Variants in LTBP1 observed in about 807,000 individuals in gnomAD.
The protein encoded by LTBP1 is latent-transforming growth factor beta-binding protein 1.
In LTBP1, 129 loss-of-function variants were observed where a neutral mutation model predicts 207.6. The observed-to-expected ratio is 0.62, with a 90% CI of 0.54 to 0.72. The LOEUF (loss-of-function observed/expected upper bound fraction) is 0.72, where lower values mean the gene tolerates loss of function less well. Ranked by LOEUF, LTBP1 falls within the 30% of genes least tolerant of loss-of-function variation. LTBP1 has a pLI of 0.00. For missense variants in LTBP1, 2,281 were observed against 2,217.2 expected, an observed-to-expected ratio of 1.03 and a Z score of -0.58; for synonymous variants, 963 against 833.7, an observed-to-expected ratio of 1.16 and a Z score of -2.67.
At chr2:33,113,924 T>C (rs2080566222) in intron 4 of LTBP1, among the ~76,000 whole-genome samples, 1 of 152,214 alleles carries the variant, frequency 6.6e-6, no homozygotes, top group African/African-American at 2.4e-5. Flanking sequence ...CACCACAACC[T>C]CTGCCTCCCA....
At chr2:33,210,701 CTT>C (rs1452829270) in intron 7 of LTBP1, among the ~76,000 whole-genome samples, 1 of 152,190 alleles carries the variant, frequency 6.6e-6, no homozygotes, top group Non-Finnish European at 1.5e-5. Flanking sequence ...CACACCCACT[CTT>C]TGTTCCTTCG....
chr2:33,111,307 G>A (rs1338908509), intron 4 of LTBP1, among the ~76,000 whole-genome samples: 1 of 152,182 alleles, frequency 6.6e-6, no homozygotes, highest in Non-Finnish European at 1.5e-5. Flanking sequence ...GACAAGGCCT[G>A]GCTCAAAGGG....
chr2:33,193,213 G>A (rs2088114563), intron 7 of LTBP1, among the ~76,000 whole-genome samples: 1 of 152,110 alleles, frequency 6.6e-6, no homozygotes, highest in African/African-American at 2.4e-5. Flanking sequence ...GAGCAGAGGT[G>A]ACACTGCAAC....
chr2:33,361,764 A>G (rs2094929799), intron 28 of LTBP1, among the ~76,000 whole-genome samples: 1 of 152,212 alleles, frequency 6.6e-6, no homozygotes, highest in African/African-American at 2.4e-5. Flanking sequence ...TGAGATAGGA[A>G]TAATTTCTCA....
chr2:33,365,287 T>C (rs772990559), intron 30 of LTBP1, 46 bp from the exon 31 acceptor site: 1 of 1,552,576 alleles, frequency 6.4e-7, no homozygotes, highest in Non-Finnish European at 8.9e-7. Context: ...TGTTTATAAA[T>C]AGGAATAACT....
intron 15 of LTBP1, among the ~76,000 whole-genome samples, chr2:33,271,099 T>C (rs2093311271): frequency 6.6e-6 from 1 of 152,226 alleles, no homozygotes; most frequent in Non-Finnish European, 1.5e-5. Flanking sequence ...GCATCACATA[T>C]ATTTGAAGAC....
At chr2:33,365,583 C>T (rs1333647956) in intron 31 of LTBP1, 80 bp downstream of exon 31, 6 of 1,390,446 alleles carry the variant, frequency 4.3e-6, no homozygotes, top group Non-Finnish European at 5.0e-6. Flanking sequence ...TGACATTTCT[C>T]TTCTGTATCT....
At chr2:33,306,336 G>A (rs1381437345) in intron 22 of LTBP1, among the ~76,000 whole-genome samples, 4 of 152,104 alleles carry the variant, frequency 2.6e-5, no homozygotes, top group East Asian at 1.9e-4. Flanking sequence ...TTGGGAGGCC[G>A]AGGCGGGTGA....
chr2:33,277,829 CTTTTTTTTTTTTT>C (rs199950784), intron 18 of LTBP1, among the ~76,000 whole-genome samples: 2 of 85,188 alleles, frequency 2.3e-5, no homozygotes, highest in Non-Finnish European at 4.4e-5. Flanking sequence ...TTCTTTCTTT[CTTTTTTTTTTTTT>C]TTTTTTAAAG....
In LTBP1 at chr2:33,363,328, T is replaced by G. The variant is rs554789707; in HGVS notation, c.4271-62T>G. 92 of 1,564,570 alleles carry G rather than the reference T, an allele frequency of 5.9e-5. 1 individual carries two copies. The East Asian group carries it at 2.0e-3, about 34-fold the overall frequency. The stretch of plus-strand genomic sequence containing the variant: ...CTTAAAGCCCCAAATCTGGTTAGAC[T>G]CTTTTTAATTGAAAGATCAAACCTA... On this transcript the variant is annotated intron_variant, in intron 28 of 33. Coordinates refer to ENST00000404816, the MANE Select transcript of LTBP1 (RefSeq NM_206943.4).
At position 33,089,403 on chromosome 2, in the gene LTBP1, C is replaced by T. The variant is rs144834671; in HGVS notation, c.864-21179C>T. ...TACTTGAGTAGGGTGATATTGCCCT[C>T]CACGTGACATGTGGCAATGTCTGGA... is the stretch of plus-strand genomic sequence containing the variant. On this transcript the variant is annotated intron_variant, in intron 3 of 33. Coordinates refer to ENST00000404816, the MANE Select transcript of LTBP1 (RefSeq NM_206943.4). 2.2e-3 allele frequency among the ~76,000 whole-genome samples: 342 copies of T among 152,228 alleles called. 1 individual carries two copies. The highest frequency in any genetic ancestry group is 3.7e-3 in the Non-Finnish European group (255 of 68,018).
chr2:33,309,603 A>C, intron 23 of LTBP1, 47 bp downstream of exon 23: 3 of 1,585,432 alleles, frequency 1.9e-6, no homozygotes, highest in Non-Finnish European at 2.6e-6. Context: ...GTAATTCTTC[A>C]ATTCTGCCAT....
At chr2:33,214,705 T>C (rs2090553786) in intron 7 of LTBP1, among the ~76,000 whole-genome samples, 1 of 152,116 alleles carries the variant, frequency 6.6e-6, no homozygotes, top group African/African-American at 2.4e-5. Flanking sequence ...GTTTATCCAG[T>C]TGTGTTGTTT....
At chr2:33,135,223 A>G (rs1019620488) in intron 5 of LTBP1, among the ~76,000 whole-genome samples, 1 of 152,268 alleles carries the variant, frequency 6.6e-6, no homozygotes, top group Non-Finnish European at 1.5e-5. Context: ...GGGAATATAT[A>G]TAGTAGAAGA....
At chr2:33,189,034 A>T (rs1038053171) in intron 7 of LTBP1, among the ~76,000 whole-genome samples, 183 bp downstream of exon 7, 4 of 152,204 alleles carry the variant, frequency 2.6e-5, no homozygotes, top group Non-Finnish European at 5.9e-5. Context: ...ATTCATTTAC[A>T]TACTGTCTAT....
chr2:33,290,489 C>G lies in LTBP1; in HGVS notation c.3113-2671C>G, dbSNP rs76406546. Among the ~76,000 whole-genome samples, 9 of 152,310 alleles carry G rather than the reference C, an allele frequency of 5.9e-5. 1 individual carries two copies. Among genetic ancestry groups the G allele is most frequent in the African/African-American group, 1.9e-4 (8 of 41,558 alleles). ...AAGGTTTTTAAAGTAGAGGAGCCAA[C>G]ACCATTTATCAGATTTGTATTTTAG... On this transcript the variant is annotated intron_variant, in intron 19 of 33. Transcript: ENST00000404816.
chr2:33,255,184 T>C (rs1157211183), intron 11 of LTBP1, among the ~76,000 whole-genome samples: 1 of 148,430 alleles, frequency 6.7e-6, no homozygotes, highest in African/African-American at 2.5e-5. Context: ...GGTGTTTGGT[T>C]TTTTGTTCTT....
At chr2:33,357,309 A>C (rs2094875420) in intron 26 of LTBP1, among the ~76,000 whole-genome samples, 1 of 152,162 alleles carries the variant, frequency 6.6e-6, no homozygotes, top group South Asian at 2.1e-4. Flanking sequence ...ACATGATTGC[A>C]CTATTTGTGG....
At chr2:32,969,561 A>G (rs190734775) in intron 2 of LTBP1, among the ~76,000 whole-genome samples, 1 of 152,272 alleles carries the variant, frequency 6.6e-6, no homozygotes, top group East Asian at 1.9e-4. Context: ...CACTTAGGAT[A>G]ATGGCCACCA....
Sources: gnomAD v4.1 joint callset for allele counts (sites outside exome capture counted in the v4.1 genomes callset) on GRCh38, gnomAD v4.1.1 for gene constraint, MANE v1.5 for transcripts, NCBI Gene and HGNC (gene_info 2026-07-23, HGNC 2026-07-21) for gene names.